Variants in ZBTB38 observed in about 807,000 individuals in gnomAD.
ZBTB38 encodes zinc finger and BTB domain-containing protein 38.
A neutral mutation model predicts 76.8 loss-of-function variants in ZBTB38; 20 were observed. The ratio of observed to expected loss-of-function variants is 0.26; its 90% CI spans 0.18 to 0.38. The LOEUF (loss-of-function observed/expected upper bound fraction) is 0.38. Ranked by LOEUF, ZBTB38 falls within the 10% of genes least tolerant of loss-of-function variation. The pLI is 1.00. For missense variants in ZBTB38, 1,082 were observed against 1,482.3 expected (o/e 0.73, Z 4.43); for synonymous variants, 504 against 544.2 (o/e 0.93, Z 1.03).
At position 141,445,830 on chromosome 3, in the gene ZBTB38, T is replaced by C. The variant is rs1291549314; in HGVS notation, c.3442T>C (p.Leu1148=). The C allele has an allele frequency of 3.7e-6, 6 of 1,614,022 alleles. No individual in the cohort carries two copies. Among genetic ancestry groups the C allele is most frequent in the Admixed American group, 1.7e-5 (1 of 60,002 alleles). Reference sequence around the variant, plus strand: ...CCTTGGAATGCACCAAAAGAAACACTTATTCAAAAGCCCAAGTCAGCAGGA... The same window carrying C: ...CCTTGGAATGCACCAAAAGAAACACCTATTCAAAAGCCCAAGTCAGCAGGA... ...AALGMHQKKH[L]FKSPSQQEKI... is the part of the protein sequence containing the mutation. The change falls in exon 6 of 6, where the codon TTA becomes CTA. Residue 1148 remains leucine, a synonymous_variant. Coordinates refer to ENST00000321464, the MANE Select transcript of ZBTB38 (RefSeq NM_001376113.1). The surrounding 1 kb of genome is among the most constrained non-coding windows in gnomAD (Gnocchi z 6.5).
At chr3:141,415,124 C>T (rs1372527991) in intron 5 of ZBTB38, among the ~76,000 whole-genome samples, 2 of 152,076 alleles carry the variant, frequency 1.3e-5, no homozygotes, top group Non-Finnish European at 2.9e-5. Context: ...CTTGGTTTCC[C>T]TACACTCCAT....
chr3:141,441,032 C>CAAAAAAAAAAAAAAA (rs202075469), intron 5 of ZBTB38, among the ~76,000 whole-genome samples: 6 of 64,474 alleles, frequency 9.3e-5, no homozygotes, highest in Non-Finnish European at 1.8e-4. Flanking sequence ...GACTCAATCT[C>CAAAAAAAAAAAAAAA]AAAAAAAAAA....
At chr3:141,391,092 C>G (rs941941371) in intron 4 of ZBTB38, among the ~76,000 whole-genome samples, 1 of 151,586 alleles carries the variant, frequency 6.6e-6, no homozygotes, top group Admixed American at 6.6e-5. Context: ...CCCAGGAGTT[C>G]GAGGTTGCAG....
At chr3:141,370,960 G>A (rs141129343) in intron 2 of ZBTB38, among the ~76,000 whole-genome samples, 8 of 152,076 alleles carry the variant, frequency 5.3e-5, no homozygotes, top group Non-Finnish European at 1.2e-4. Context: ...CCAGGTCTTG[G>A]GACATTTGAT....
chr3:141,364,892 C>A (rs1274374077), upstream of ZBTB38, among the ~76,000 whole-genome samples: 1 of 152,030 alleles, frequency 6.6e-6, no homozygotes, highest in Non-Finnish European at 1.5e-5. Flanking sequence ...CAGGCAATAA[C>A]AGCATTGGTG....
chr3:141,338,883 G>C (rs1235319157), intron 1 of ZBTB38, among the ~76,000 whole-genome samples: 5 of 152,094 alleles, frequency 3.3e-5, no homozygotes, highest in Admixed American at 1.3e-4. Flanking sequence ...CATTCTAGTG[G>C]GGGACAGAAT....
At chr3:141,363,799 C>G (rs1022901828), upstream of ZBTB38, among the ~76,000 whole-genome samples, 1 of 152,102 alleles carries the variant, frequency 6.6e-6, no homozygotes, top group Non-Finnish European at 1.5e-5. Context: ...ATGTGGATCC[C>G]TACCTCACAC....
At chr3:141,393,737 G>A (rs1576974440) in intron 4 of ZBTB38, among the ~76,000 whole-genome samples, 2 of 152,106 alleles carry the variant, frequency 1.3e-5, no homozygotes, top group Non-Finnish European at 2.9e-5. Context: ...CTGCGCCATG[G>A]AGCTGGGGGA....
chr3:141,409,175 A>C (rs1451077476), intron 5 of ZBTB38, among the ~76,000 whole-genome samples: 1 of 152,124 alleles, frequency 6.6e-6, no homozygotes, highest in Non-Finnish European at 1.5e-5. Context: ...CCTCCCAAGT[A>C]GCTGGCATTA....
intron 4 of ZBTB38, among the ~76,000 whole-genome samples, chr3:141,398,029 G>A (rs990169717): frequency 5.9e-5 from 9 of 152,302 alleles, no homozygotes; most frequent in South Asian, 2.1e-4. Flanking sequence ...CTACAAACCC[G>A]ATAAAGTGGA....
intron 1 of ZBTB38, among the ~76,000 whole-genome samples, chr3:141,342,185 C>T (rs935383323): frequency 2.6e-5 from 4 of 152,016 alleles, no homozygotes; most frequent in South Asian, 2.1e-4. Context: ...ATTGGCCAGG[C>T]GTGGTGGTGC....
chr3:141,424,634 GTA>G (rs1214087512), intron 5 of ZBTB38, among the ~76,000 whole-genome samples: 8 of 148,736 alleles, frequency 5.4e-5, no homozygotes, highest in Admixed American at 2.0e-4. Context: ...TTAAATGCCT[GTA>G]TGTGTGTGTG....
intron 1 of ZBTB38, among the ~76,000 whole-genome samples, chr3:141,343,871 T>C (rs1197800784): frequency 1.3e-5 from 2 of 152,212 alleles, no homozygotes; most frequent in Non-Finnish European, 2.9e-5. Context: ...TTCCATTTTG[T>C]AAATGACACG....
intron 1 of ZBTB38, among the ~76,000 whole-genome samples, chr3:141,326,627 A>G (rs1426945691): frequency 6.6e-6 from 1 of 152,216 alleles, no homozygotes; most frequent in Non-Finnish European, 1.5e-5. Context: ...TCTTGGTGTG[A>G]AACTCTGTGC....
intron 1 of ZBTB38, among the ~76,000 whole-genome samples, chr3:141,356,559 GGGA>G (rs2148947467): frequency 6.6e-6 from 1 of 152,200 alleles, no homozygotes; most frequent in South Asian, 2.1e-4. Context: ...CCAAGCATCA[GGGA>G]AACAAAACAC....
Position 141,361,515 on chromosome 3 carries a change from G to A in ZBTB38, c.-738-7106G>A, listed in dbSNP as rs558730895. ...GTCACACAGTATGTTAAGTGGTCAA[G>A]CAAGGACTTGCGTCTGACCCATCAA... On this transcript the variant is annotated intron_variant, in intron 1 of 7. Transcript: ENST00000509842. Among the ~76,000 whole-genome samples, 8 of 152,344 alleles carry A rather than the reference G, an allele frequency of 5.3e-5. No individual in the cohort carries two copies. The South Asian group carries it at 1.4e-3, about 28-fold the overall frequency.
rs934486325 is a variant in ZBTB38 at position 141,445,883 on chromosome 3, C to T, written c.3495C>T (p.Asn1165=). The T allele has an allele frequency of 1.2e-6, 2 of 1,611,682 alleles. No individual in the cohort carries two copies. Among genetic ancestry groups the T allele is most frequent in the South Asian group, 2.2e-5 (2 of 91,092 alleles). Residue 1165 remains asparagine, a synonymous_variant, in exon 6 of 6, where the codon AAC becomes AAT. Transcript: ENST00000321464. This position sits in a 1 kb window ranked among gnomAD's most constrained non-coding sequence, Gnocchi z 6.5. ...AAATAGGTGACGTGTGCCACGAAAA[C>T]TCAAATCCCTTGGAGAATCAACATT... The part of the protein sequence containing the change: ...QEKIGDVCHE[N]SNPLENQHFI...
chr3:141,376,630 A>C (rs903427789), intron 2 of ZBTB38, among the ~76,000 whole-genome samples: 2 of 152,148 alleles, frequency 1.3e-5, no homozygotes, highest in Non-Finnish European at 2.9e-5. Flanking sequence ...CCTTATGTAA[A>C]ACCCATCACC....
chr3:141,440,292 T>C (rs2079828693), intron 5 of ZBTB38, among the ~76,000 whole-genome samples: 1 of 152,244 alleles, frequency 6.6e-6, no homozygotes, highest in Non-Finnish European at 1.5e-5. Flanking sequence ...TCTCATTATC[T>C]GAATTGAAGA....
Sources: gnomAD v4.1 joint callset for allele counts (sites outside exome capture counted in the v4.1 genomes callset) on GRCh38, gnomAD v4.1.1 for gene constraint, Gnocchi (gnomAD v3.1) non-coding constraint, MANE v1.5 for transcripts, NCBI Gene and HGNC (gene_info 2026-07-23, HGNC 2026-07-21) for gene names.